AR: variants seen among roughly 807,000 people sequenced by gnomAD.
AR encodes the protein androgen receptor, also known as dihydrotestosterone receptor.
Under a neutral mutation model 53.9 loss-of-function variants are expected in AR, and 8 were observed. That is an observed-to-expected ratio of 0.15 (90% CI 0.09 to 0.27). AR has a LOEUF of 0.27. Ranked by LOEUF, AR falls within the 10% of genes least tolerant of loss-of-function variation. AR has a pLI of 1.00. For synonymous variants in AR, 359 were observed against 316.4 expected (o/e 1.13, Z -1.43); for missense variants, 639 against 742.5 (o/e 0.86, Z 1.62).
intron 3 of AR, among the ~76,000 whole-genome samples, chrX:67,690,468 A>G (rs2075989816): frequency 1.8e-5 from 2 of 111,615 alleles, no homozygotes; most frequent in Admixed American, 1.9e-4. Flanking sequence ...TCAGGATCCC[A>G]TGTCCTGAAT....
chrX:67,568,758 G>A (rs767469506), intron 1 of AR: 39 of 941,151 alleles, frequency 4.1e-5, no homozygotes, highest in Middle Eastern at 4.3e-4. Context: ...TATCTGCGCC[G>A]TCCCTCCTCT....
chrX:67,715,181 A>G (rs2076108200), intron 4 of AR, among the ~76,000 whole-genome samples: 1 of 111,079 alleles, frequency 9.0e-6, no homozygotes, highest in Non-Finnish European at 1.9e-5. Context: ...CTCCTACCCA[A>G]GATATTCAGG....
chrX:67,706,321 C>A (rs2076067244), intron 3 of AR, among the ~76,000 whole-genome samples: 1 of 111,570 alleles, frequency 9.0e-6, no homozygotes. Flanking sequence ...GCCTCAATTT[C>A]AGAACCTGTT....
chrX:67,685,395 C>T (rs1228735761), intron 2 of AR, among the ~76,000 whole-genome samples: 4 of 111,313 alleles, frequency 3.6e-5, no homozygotes, highest in Non-Finnish European at 7.5e-5. Flanking sequence ...TTGGCTTCAT[C>T]GAACTTCCTT....
At chrX:67,573,248 T>G (rs1265978307) in intron 1 of AR, among the ~76,000 whole-genome samples, 1 of 111,761 alleles carries the variant, frequency 8.9e-6, no homozygotes, top group Non-Finnish European at 1.9e-5. Context: ...AGAAAAGCAA[T>G]CAAAGACAAC....
intron 2 of AR, among the ~76,000 whole-genome samples, chrX:67,652,329 G>T (rs1226699633): frequency 9.0e-6 from 1 of 111,684 alleles, no homozygotes; most frequent in African/African-American, 3.3e-5. Flanking sequence ...AGTTACATAA[G>T]CACATTCCTA....
chrX:67,638,234 T>C (rs1925553058), intron 1 of AR, among the ~76,000 whole-genome samples: 1 of 112,097 alleles, frequency 8.9e-6, no homozygotes, highest in African/African-American at 3.2e-5. Context: ...TTGATGGGCA[T>C]TTCAGTTGTT....
At chrX:67,674,505 C>A (rs1237153247) in intron 2 of AR, among the ~76,000 whole-genome samples, 2 of 111,114 alleles carry the variant, frequency 1.8e-5, no homozygotes, top group African/African-American at 6.6e-5. Context: ...GGCACCCAAT[C>A]CATAAGACAA....
At chrX:67,603,503 T>C (rs1923477465) in intron 1 of AR, among the ~76,000 whole-genome samples, 1 of 111,838 alleles carries the variant, frequency 8.9e-6, no homozygotes, top group African/African-American at 3.3e-5. Flanking sequence ...AAGGAAGGCA[T>C]TCCAGCTAGG....
chrX:67,694,223 A>G (rs1211098781), intron 3 of AR, among the ~76,000 whole-genome samples: 2 of 110,666 alleles, frequency 1.8e-5, no homozygotes, highest in African/African-American at 3.3e-5. Flanking sequence ...GTATTATGCA[A>G]TTGTTTGGCT....
At chrX:67,617,533 CTT>C (rs1205538778) in intron 1 of AR, among the ~76,000 whole-genome samples, 3 of 111,727 alleles carry the variant, frequency 2.7e-5, no homozygotes, top group African/African-American at 9.7e-5. Context: ...ATCCAACTCT[CTT>C]GAGTTTTATA....
rs1206352213 is a variant in AR at position 67,545,313 on chromosome X, TGCTGCAGCAGCA to T, written c.170_181del (p.Leu57_Gln60del). The T allele has an allele frequency of 6.1e-5, 67 of 1,099,068 alleles. No homozygotes were observed. In the African/African-American group the frequency reaches 6.9e-4, roughly 11 times the overall value. 90.6% of individuals were successfully genotyped at this position (1,099,068 alleles called of 1,213,427 possible). On this transcript the variant is annotated inframe_deletion, in exon 1 of 8. Transcript: ENST00000374690. ...GCACCTCCCGGCGCCAGTTTGCTGC[TGCTGCAGCAGCA>T]GCAGCAGCAGCAGCAGCAGCAGCAG...
At chrX:67,641,678 A>G in intron 1 of AR, among the ~76,000 whole-genome samples, 1 of 110,985 alleles carries the variant, frequency 9.0e-6, no homozygotes, top group Admixed American at 9.7e-5. Flanking sequence ...AGGCCATGAT[A>G]TCAAGCCACT....
intron 1 of AR, among the ~76,000 whole-genome samples, chrX:67,588,367 C>A (rs772201315): frequency 8.9e-6 from 1 of 111,863 alleles, no homozygotes; most frequent in South Asian, 3.7e-4. Context: ...ATTGGTGGTG[C>A]CTCTGTTCTC....
rs756310844 is a variant in AR, at chrX:67,591,912, A to G, written c.1616+45150A>G. The stretch of plus-strand genomic sequence containing the variant: ...AATGACTAAAGAACAGTTACCTAGA[A>G]GAAACCTTAGTGGAAAGTATTTTCT... On this transcript the variant is annotated intron_variant, in intron 1 of 7. Coordinates refer to ENST00000374690, the MANE Select transcript of AR (RefSeq NM_000044.6). Among the ~76,000 whole-genome samples the G allele has an allele frequency of 4.4e-5, 5 of 112,584 alleles. No homozygotes were observed. The East Asian group carries it at 1.4e-3, about 32-fold the overall frequency.
chrX:67,631,712 C>G (rs1040078665), intron 1 of AR, among the ~76,000 whole-genome samples: 1 of 109,594 alleles, frequency 9.1e-6, no homozygotes, highest in African/African-American at 3.3e-5. Context: ...GGAGGAGAGG[C>G]GCTCTGCTTT....
intron 1 of AR, among the ~76,000 whole-genome samples, chrX:67,565,379 T>C (rs1921512833): frequency 9.0e-6 from 1 of 111,677 alleles, no homozygotes; most frequent in Admixed American, 9.5e-5. Flanking sequence ...TGCATTTTGT[T>C]TATCGATGGT....
At chrX:67,719,449 G>A (rs2076126882) in intron 5 of AR, among the ~76,000 whole-genome samples, 1 of 111,271 alleles carries the variant, frequency 9.0e-6, no homozygotes, top group African/African-American at 3.3e-5. Flanking sequence ...GTAAGCATGT[G>A]GCATCCCACC....
At chrX:67,663,159 C>G (rs141037887) in intron 2 of AR, among the ~76,000 whole-genome samples, 8 of 111,202 alleles carry the variant, frequency 7.2e-5, no homozygotes, top group African/African-American at 2.3e-4. Context: ...GAATTTGATC[C>G]TGTCATTATG....
Sources: allele counts gnomAD v4.1 joint callset (sites outside exome capture counted in the v4.1 genomes callset), GRCh38; gene constraint gnomAD v4.1.1; transcripts MANE v1.5; gene names NCBI Gene and HGNC (gene_info 2026-07-23, HGNC 2026-07-21).